TRAF3IP2: variants seen among roughly 807,000 people sequenced by gnomAD.
TRAF3IP2 encodes the protein TRAF3 interacting protein 2, also known as E3 ubiquitin ligase TRAF3IP2.
Under a neutral mutation model 57.9 loss-of-function variants are expected in TRAF3IP2, and 35 were observed. The ratio of observed to expected loss-of-function variants is 0.60; its 90% CI spans 0.46 to 0.80. The LOEUF (loss-of-function observed/expected upper bound fraction) is 0.80. Ranked by LOEUF, TRAF3IP2 falls within the 30% of genes least tolerant of loss-of-function variation. The pLI is 0.00. For missense variants in TRAF3IP2, 556 were observed against 706.4 expected (o/e 0.79, Z 2.41); for synonymous variants, 251 against 268.9 (o/e 0.93, Z 0.65).
At chr6:111,596,370 G>A (rs1000214599) in intron 1 of TRAF3IP2, among the ~76,000 whole-genome samples, 11 of 152,266 alleles carry the variant, frequency 7.2e-5, no homozygotes, top group Admixed American at 3.9e-4. Flanking sequence ...ATGGTTCACT[G>A]CAGCCTCAAA....
chr6:111,573,908 T>G (rs890783504), intron 4 of TRAF3IP2: 4 of 152,190 alleles, frequency 2.6e-5, no homozygotes, highest in Non-Finnish European at 5.9e-5. Flanking sequence ...ACTGAGGTTT[T>G]TTGAAACACA....
chr6:111,568,401 G>C (rs557804051), intron 5 of TRAF3IP2, among the ~76,000 whole-genome samples: 2 of 142,412 alleles, frequency 1.4e-5, no homozygotes, highest in Non-Finnish European at 3.1e-5. Context: ...CAAATAAGAA[G>C]GCCCTTCTTG....
chr6:111,561,619 G>A (rs1449383401), intron 8 of TRAF3IP2, among the ~76,000 whole-genome samples: 1 of 152,122 alleles, frequency 6.6e-6, no homozygotes, highest in African/African-American at 2.4e-5. Flanking sequence ...ATGGTCCAGG[G>A]TGACCAGAGC....
intron 1 of TRAF3IP2, 125 bp from the exon 2 acceptor site, chr6:111,592,219 T>C: frequency 1.2e-6 from 1 of 808,802 alleles, no homozygotes; most frequent in Non-Finnish European, 2.0e-6. Context: ...CCAATGTGCT[T>C]GCAAAGCCCT....
chr6:111,567,418 G>A (rs568509374), intron 6 of TRAF3IP2: 33 of 1,300,764 alleles, frequency 2.5e-5, no homozygotes, highest in African/African-American at 7.6e-5. Flanking sequence ...TGGTTTGACC[G>A]TTATTTCCTG....
rs185484003 is a variant in TRAF3IP2 at position 111,576,026 on chromosome 6, T to A, written c.1023-205A>T. On this transcript the variant is annotated intron_variant, in intron 3 of 8. Coordinates refer to ENST00000368761, the MANE Select transcript of TRAF3IP2 (RefSeq NM_147686.4). ...GCTGGCTGCCACATGTGAGGGCCTG[T>A]GCTCTGACTCCAAAGAGGGAAGCAG... Among the ~76,000 whole-genome samples, 290 of 152,310 alleles carry A rather than the reference T, an allele frequency of 1.9e-3. 2 individuals carry two copies. Among genetic ancestry groups the A allele is most frequent in the Middle Eastern group, 3.4e-3 (1 of 294 alleles).
At chr6:111,584,393 C>T (rs1299952152) in intron 2 of TRAF3IP2, among the ~76,000 whole-genome samples, 1 of 152,166 alleles carries the variant, frequency 6.6e-6, no homozygotes, top group Non-Finnish European at 1.5e-5. Flanking sequence ...TCCATGCTGT[C>T]CTTTTATTGT....
At chr6:111,601,347 T>C (rs1031215672) in intron 1 of TRAF3IP2, 2 of 555,024 alleles carry the variant, frequency 3.6e-6, no homozygotes, top group African/African-American at 1.9e-5. Flanking sequence ...TTTGACTGGA[T>C]CTCATTAAAT....
intron 4 of TRAF3IP2, among the ~76,000 whole-genome samples, chr6:111,575,370 C>G (rs1392262773): frequency 6.6e-6 from 1 of 151,840 alleles, no homozygotes; most frequent in Non-Finnish European, 1.5e-5. Context: ...AGGTGGATCA[C>G]GAGGTGAAGA....
intron 1 of TRAF3IP2, chr6:111,600,895 T>C (rs1796840934): frequency 7.7e-6 from 2 of 260,766 alleles, no homozygotes; most frequent in African/African-American, 4.4e-5. Context: ...GTGATAGATA[T>C]ATTAACTTAC....
chr6:111,600,234 A>T (rs1172611143), intron 1 of TRAF3IP2: 2 of 152,250 alleles, frequency 1.3e-5, no homozygotes, highest in African/African-American at 2.4e-5. Flanking sequence ...TTTTAAAAAC[A>T]GTATTCCCTG....
chr6:111,581,019 A>G (rs954342474), intron 2 of TRAF3IP2, among the ~76,000 whole-genome samples: 10 of 152,344 alleles, frequency 6.6e-5, no homozygotes, highest in African/African-American at 2.4e-4. Flanking sequence ...GGCTGCTTGA[A>G]GAGGGCTGGG....
At chr6:111,595,827 C>CAAAA (rs569836365) in intron 1 of TRAF3IP2, among the ~76,000 whole-genome samples, 1 of 92,906 alleles carries the variant, frequency 1.1e-5, no homozygotes, top group Non-Finnish European at 2.2e-5. Context: ...GACTCTGTCT[C>CAAAA]AAAAAAAAAA....
At position 111,562,140 on chromosome 6, in the gene TRAF3IP2, G is replaced by T. The variant is rs527768697; in HGVS notation, c.1551+825C>A. Among the ~76,000 whole-genome samples the T allele has an allele frequency of 3.3e-5, 5 of 152,334 alleles. No homozygotes were observed. The East Asian group carries it at 9.6e-4, about 29-fold the overall frequency. Reference sequence around the variant, plus strand: ...CTTCCCTTTGCCAAGCATGGAATGTGGCCTCAGGTGGTTTTGCCCCCATTC... The same window carrying T: ...CTTCCCTTTGCCAAGCATGGAATGTTGCCTCAGGTGGTTTTGCCCCCATTC... On this transcript the variant is annotated intron_variant, in intron 8 of 8. Coordinates refer to ENST00000368761, the MANE Select transcript of TRAF3IP2 (RefSeq NM_147686.4).
At chr6:111,594,593 T>C in intron 1 of TRAF3IP2, 2 of 421,662 alleles carry the variant, frequency 4.7e-6, no homozygotes, top group Non-Finnish European at 9.4e-6. Context: ...AAATCTGAGG[T>C]CATCCTCTGG....
Position 111,567,702 on chromosome 6 carries a change from A to G in TRAF3IP2, c.1291-10T>C, listed in dbSNP as rs1795698116. 1 of 1,602,806 alleles carries G rather than the reference A, an allele frequency of 6.2e-7. No homozygotes were observed. The highest frequency in any genetic ancestry group is 1.3e-5 in the African/African-American group (1 of 74,402). ...CCTCAAATATGTCAATCTGCAAAAAAAAAGATGTGGGAGTTGGCCCTTAAT... is the reference window on the plus strand; with the variant it reads ...CCTCAAATATGTCAATCTGCAAAAAGAAAGATGTGGGAGTTGGCCCTTAAT... On this transcript the variant is annotated splice_polypyrimidine_tract_variant and intron_variant, in intron 5 of 8. Coordinates refer to ENST00000368761, the MANE Select transcript of TRAF3IP2 (RefSeq NM_147686.4).
intron 1 of TRAF3IP2, chr6:111,602,294 A>G (rs1583250672): frequency 1.3e-5 from 2 of 149,344 alleles, no homozygotes; most frequent in African/African-American, 4.9e-5. Context: ...AACAACCTCA[A>G]ACCAGCCCAT....
chr6:111,599,243 G>A (rs777507747), intron 1 of TRAF3IP2, among the ~76,000 whole-genome samples: 5 of 151,996 alleles, frequency 3.3e-5, no homozygotes, highest in Non-Finnish European at 5.9e-5. Flanking sequence ...TCTCATCACC[G>A]TTTGGACTGT....
At chr6:111,603,150 C>T (rs1286534926) in intron 1 of TRAF3IP2, among the ~76,000 whole-genome samples, 3 of 152,154 alleles carry the variant, frequency 2.0e-5, no homozygotes, top group Admixed American at 2.0e-4. Context: ...GCTGAGTAGT[C>T]ACAGCCAAGC....
Sources: allele counts gnomAD v4.1 joint callset (sites outside exome capture counted in the v4.1 genomes callset), GRCh38; gene constraint gnomAD v4.1.1; transcripts MANE v1.5; gene names NCBI Gene and HGNC (gene_info 2026-07-23, HGNC 2026-07-21).